The following KCNIP4 variants were observed in gnomAD, a reference collection of about 807,000 sequenced individuals.
KCNIP4 encodes the protein Kv channel-interacting protein 4.
A neutral mutation model predicts 34.0 loss-of-function variants in KCNIP4; 12 were observed. The observed-to-expected ratio is 0.35, with a 90% confidence interval of 0.23 to 0.57. The LOEUF (loss-of-function observed/expected upper bound fraction) is 0.57. KCNIP4 is among the 20% of genes least tolerant of loss of function. The probability of loss-of-function intolerance (pLI) is 0.83; values close to 1 mark genes in which losing one functional copy is unlikely to be tolerated. For missense variants in KCNIP4, 238 were observed against 311.7 expected (o/e 0.76, Z 1.78); for synonymous variants, 124 against 102.2 (o/e 1.21, Z -1.29).
intron 1 of KCNIP4, among the ~76,000 whole-genome samples, chr4:21,371,950 C>T (rs1720488510): frequency 6.8e-6 from 1 of 147,034 alleles, no homozygotes; most frequent in Admixed American, 6.6e-5. Flanking sequence ...TACACACACA[C>T]ACACACAAAC....
At chr4:21,544,959 G>C (rs1738014664) in intron 1 of KCNIP4, among the ~76,000 whole-genome samples, 1 of 152,092 alleles carries the variant, frequency 6.6e-6, no homozygotes, top group African/African-American at 2.4e-5. Flanking sequence ...ATCTTGAATA[G>C]GGGCTGGGTA....
At chr4:21,817,921 C>G (rs573931085) in intron 1 of KCNIP4, among the ~76,000 whole-genome samples, 123 of 152,248 alleles carry the variant, frequency 8.1e-4, no homozygotes, top group African/African-American at 2.7e-3. Flanking sequence ...GGACCCATAT[C>G]AGTAGTTCTG....
chr4:21,115,146 C>A (rs1749577449), intron 1 of KCNIP4, among the ~76,000 whole-genome samples: 1 of 152,140 alleles, frequency 6.6e-6, no homozygotes, highest in Admixed American at 6.6e-5. Flanking sequence ...AAACGCATTT[C>A]CTGTCTCTCC....
At chr4:20,768,704 C>A (rs181387544) in intron 3 of KCNIP4, among the ~76,000 whole-genome samples, 3 of 152,246 alleles carry the variant, frequency 2.0e-5, no homozygotes, top group Admixed American at 2.0e-4. Context: ...AGAAACCCAA[C>A]CAATTTTAAA....
intron 1 of KCNIP4, among the ~76,000 whole-genome samples, chr4:21,291,867 A>AAAAG (rs1211617062): frequency 0.016 from 797 of 50,890 alleles, 22 homozygotes; most frequent in East Asian, 0.062. Flanking sequence ...AAAAAAAAAA[A>AAAAG]AAAGAAAGAA....
intron 1 of KCNIP4, among the ~76,000 whole-genome samples, chr4:21,788,864 G>GGAGATCAA (rs1720081554): frequency 6.6e-6 from 1 of 151,854 alleles, no homozygotes; most frequent in South Asian, 2.1e-4. Context: ...CACGAGGTCA[G>GGAGATCAA]GAGATCAAGA....
In KCNIP4 at chr4:20,729,977, C is replaced by A. The variant is rs1196848351; in HGVS notation, c.*105G>T. The A allele has an allele frequency of 7.7e-6, 10 of 1,305,774 alleles. No homozygotes were observed. Among genetic ancestry groups the A allele is most frequent in the South Asian group, 1.8e-5 (1 of 55,876 alleles). The allele number at this position is 1,305,774 out of a possible 1,614,324, so 80.9% of individuals were successfully genotyped here. A position where few individuals can be genotyped will look rare whatever the true frequency, so the allele number is the denominator to read the frequency against. ...AAACAAAGCTTGTTTGCATAATATG[C>A]TTCAGTGTCAAGCTGAGCAATCTAT... On this transcript the variant is annotated 3_prime_UTR_variant, in exon 9 of 9. Coordinates refer to ENST00000382152, the MANE Select transcript of KCNIP4 (RefSeq NM_025221.6).
chr4:21,370,834 T>C (rs1446751741), intron 1 of KCNIP4, among the ~76,000 whole-genome samples: 1 of 32,388 alleles, frequency 3.1e-5, no homozygotes, highest in Non-Finnish European at 4.9e-5. Flanking sequence ...TATATATATA[T>C]ATATATATAT....
rs896059396 is a variant in KCNIP4 at position 21,861,347 on chromosome 4, C to T, written c.61+87224G>A. On this transcript the variant is annotated intron_variant, in intron 1 of 8. Transcript: ENST00000382152. Reference sequence around the variant, plus strand: ...GGAGTCATCTTTGTGTGCTCTTTACCACTCTGCATCCAATCTATTAGGAAA... The same window carrying T: ...GGAGTCATCTTTGTGTGCTCTTTACTACTCTGCATCCAATCTATTAGGAAA... Among the ~76,000 whole-genome samples the T allele has an allele frequency of 5.3e-5, 8 of 152,124 alleles. No individual in the cohort carries two copies. In the South Asian group the frequency reaches 1.5e-3, roughly 28 times the overall value.
At chr4:21,602,464 G>A (rs996549919) in intron 1 of KCNIP4, among the ~76,000 whole-genome samples, 6 of 151,998 alleles carry the variant, frequency 3.9e-5, no homozygotes, top group Non-Finnish European at 7.4e-5. Context: ...TGTGAGAACA[G>A]TGATGATCAG....
intron 1 of KCNIP4, among the ~76,000 whole-genome samples, chr4:21,396,403 A>G (rs1244922795): frequency 5.3e-5 from 8 of 151,760 alleles, no homozygotes; most frequent in African/African-American, 1.9e-4. Context: ...TAAAAATACA[A>G]AAATTAGCTG....
At chr4:20,953,877 C>T (rs1472135121) in intron 1 of KCNIP4, among the ~76,000 whole-genome samples, 1 of 152,150 alleles carries the variant, frequency 6.6e-6, no homozygotes, top group Non-Finnish European at 1.5e-5. Context: ...GATTCTTCTT[C>T]TTCTCCTAGA....
chr4:20,822,027 C>T (rs1717173619), intron 3 of KCNIP4, among the ~76,000 whole-genome samples: 1 of 151,412 alleles, frequency 6.6e-6, no homozygotes. Context: ...TGACTAAGAC[C>T]CCCAAATCAA....
intron 3 of KCNIP4, among the ~76,000 whole-genome samples, chr4:20,839,321 T>G (rs760746940): frequency 6.6e-6 from 1 of 152,008 alleles, no homozygotes; most frequent in Non-Finnish European, 1.5e-5. Flanking sequence ...TATAGAGATA[T>G]AGATCTATAG....
At chr4:21,029,659 T>A (rs931735460) in intron 1 of KCNIP4, among the ~76,000 whole-genome samples, 4 of 152,184 alleles carry the variant, frequency 2.6e-5, no homozygotes, top group Admixed American at 6.5e-5. Flanking sequence ...CTACCTGCCA[T>A]CTGGGCCTCT....
At chr4:21,514,029 G>C (rs1395087515) in intron 1 of KCNIP4, among the ~76,000 whole-genome samples, 1 of 152,034 alleles carries the variant, frequency 6.6e-6, no homozygotes, top group Non-Finnish European at 1.5e-5. Flanking sequence ...CAACAAAAGA[G>C]CTTTGTAAAT....
At chr4:21,142,150 CAAAAAAA>C (rs369182504) in intron 1 of KCNIP4, among the ~76,000 whole-genome samples, 1 of 105,920 alleles carries the variant, frequency 9.4e-6, no homozygotes, top group African/African-American at 3.5e-5. Flanking sequence ...GACACCGTCT[CAAAAAAA>C]AAAAAAAAAA....
At chr4:21,730,915 C>A (rs1488314031) in intron 1 of KCNIP4, among the ~76,000 whole-genome samples, 2 of 151,986 alleles carry the variant, frequency 1.3e-5, no homozygotes, top group African/African-American at 4.8e-5. Context: ...GATTTTGAGA[C>A]AAGCCTGGAC....
intron 1 of KCNIP4, among the ~76,000 whole-genome samples, chr4:21,793,553 C>T (rs552815862): frequency 3.3e-5 from 5 of 152,082 alleles, no homozygotes; most frequent in East Asian, 1.9e-4. Context: ...TTACCATGAC[C>T]GGCCTGACAA....
Sources: allele counts gnomAD v4.1 joint callset (sites outside exome capture counted in the v4.1 genomes callset), GRCh38; gene constraint gnomAD v4.1.1; transcripts MANE v1.5; gene names NCBI Gene and HGNC (gene_info 2026-07-23, HGNC 2026-07-21).